The following WWOX variants were observed in gnomAD, a reference collection of about 807,000 sequenced individuals.
WWOX encodes WW domain containing oxidoreductase, also known as WW domain-containing oxidoreductase.
In WWOX, 69 loss-of-function variants were observed where a neutral mutation model predicts 46.2. The ratio of observed to expected loss-of-function variants is 1.49; its 90% CI spans 1.23 to 1.82. WWOX has a LOEUF of 1.82. Among genes scored for constraint, WWOX ranks in the 40% most tolerant of loss-of-function variants. The pLI is 0.00. For synonymous variants in WWOX, 359 were observed against 202.6 expected, an observed-to-expected ratio of 1.77 and a Z score of -6.56; for missense variants, 919 against 542.6, an observed-to-expected ratio of 1.69 and a Z score of -6.89.
chr16:78,998,000 C>T (rs1338809283), intron 8 of WWOX, among the ~76,000 whole-genome samples: 1 of 152,110 alleles, frequency 6.6e-6, no homozygotes, highest in Non-Finnish European at 1.5e-5. Context: ...CCTCAGCCTC[C>T]CGAGTAGCTG....
intron 8 of WWOX, among the ~76,000 whole-genome samples, chr16:78,844,291 T>C (rs936912848): frequency 2.0e-5 from 3 of 152,138 alleles, no homozygotes; most frequent in Admixed American, 2.0e-4. Context: ...ACAGCCTAAG[T>C]GATATTTATT....
At chr16:79,125,807 G>A (rs1230321315) in intron 8 of WWOX, among the ~76,000 whole-genome samples, 1 of 152,176 alleles carries the variant, frequency 6.6e-6, no homozygotes, top group Non-Finnish European at 1.5e-5. Flanking sequence ...AAACATTATG[G>A]TGTTGCTTTG....
chr16:79,017,429 C>CAAAAAAAAAAAAAAAAAAAAAAAAAAA (rs61362715), intron 8 of WWOX: 3 of 39,126 alleles, frequency 7.7e-5, no homozygotes, highest in Non-Finnish European at 9.1e-5. Flanking sequence ...GAATCCATCT[C>CAAAAAAAAAAAAAAAAAAAAAAAAAAA]AAAAAAAAAA....
chr16:78,697,040 G>T (rs1041774841), intron 8 of WWOX, among the ~76,000 whole-genome samples: 1 of 152,040 alleles, frequency 6.6e-6, no homozygotes, highest in African/African-American at 2.4e-5. Flanking sequence ...TATTTATACC[G>T]TAGTTTCTTT....
At chr16:78,371,597 G>C (rs2081688137) in intron 5 of WWOX, among the ~76,000 whole-genome samples, 1 of 151,874 alleles carries the variant, frequency 6.6e-6, no homozygotes, top group African/African-American at 2.4e-5. Flanking sequence ...TTTTGTTTAT[G>C]GCTGTGTTAT....
At chr16:79,194,640 G>T (rs933146769) in intron 8 of WWOX, among the ~76,000 whole-genome samples, 2 of 152,134 alleles carry the variant, frequency 1.3e-5, no homozygotes, top group African/African-American at 4.8e-5. Flanking sequence ...GGCTCCCCTT[G>T]TGTGAACTGG....
At chr16:78,945,491 T>C (rs989683185) in intron 8 of WWOX, among the ~76,000 whole-genome samples, 1 of 152,238 alleles carries the variant, frequency 6.6e-6, no homozygotes, top group Non-Finnish European at 1.5e-5. Flanking sequence ...TTGTTTTGTT[T>C]TGACCAATTT....
chr16:78,380,273 T>C (rs2081925859), intron 5 of WWOX, among the ~76,000 whole-genome samples: 1 of 152,140 alleles, frequency 6.6e-6, no homozygotes, highest in Non-Finnish European at 1.5e-5. Flanking sequence ...CATAATGGAA[T>C]ATGGAATAGC....
At chr16:78,189,273 C>T (rs546922632) in intron 5 of WWOX, among the ~76,000 whole-genome samples, 7 of 152,298 alleles carry the variant, frequency 4.6e-5, no homozygotes, top group African/African-American at 1.7e-4. Flanking sequence ...ACCTGTGCCA[C>T]GATGGTCTCC....
chr16:78,841,125 AC>A (rs1378082640), intron 8 of WWOX, among the ~76,000 whole-genome samples: 2 of 152,012 alleles, frequency 1.3e-5, no homozygotes, highest in Non-Finnish European at 2.9e-5. Context: ...CATTGATCTG[AC>A]CCCAGAATTC....
chr16:78,478,459 A>T (rs1178445361), intron 8 of WWOX, among the ~76,000 whole-genome samples: 1 of 152,188 alleles, frequency 6.6e-6, no homozygotes, highest in African/African-American at 2.4e-5. Flanking sequence ...AGAAAAAGCG[A>T]TGATAATGAC....
chr16:78,881,669 G>C (rs1260688124), intron 8 of WWOX, among the ~76,000 whole-genome samples: 1 of 152,116 alleles, frequency 6.6e-6, no homozygotes, highest in Non-Finnish European at 1.5e-5. Context: ...AATACAGATA[G>C]ACAATATTTG....
intron 8 of WWOX, among the ~76,000 whole-genome samples, chr16:78,694,597 G>A (rs1415878190): frequency 6.6e-6 from 1 of 152,158 alleles, no homozygotes; most frequent in African/African-American, 2.4e-5. Context: ...AGTAAATCCA[G>A]CCCATTTATT....
chr16:78,229,879 C>A (rs928791533), intron 5 of WWOX, among the ~76,000 whole-genome samples: 1 of 151,916 alleles, frequency 6.6e-6, no homozygotes, highest in African/African-American at 2.4e-5. Context: ...AGTTCAACAT[C>A]TTTCTTTCTT....
intron 5 of WWOX, among the ~76,000 whole-genome samples, chr16:78,353,861 TGTG>T (rs1006522708): frequency 6.6e-6 from 1 of 152,222 alleles, no homozygotes; most frequent in African/African-American, 2.4e-5. Context: ...TTGCCCTTGA[TGTG>T]GTGCCGAGTT....
chr16:78,649,231 C>T lies in WWOX; in HGVS notation c.1056+216479C>T, dbSNP rs186630675. On this transcript the variant is annotated intron_variant, in intron 8 of 8. Coordinates refer to ENST00000566780, the MANE Select transcript of WWOX (RefSeq NM_016373.4). ...AACTCTGGACCTCAAATGATCCAAC[C>T]GCCTCGGACTTCCGAAGTGCTGGGA... 5.6e-4 allele frequency among the ~76,000 whole-genome samples: 86 copies of T among 152,228 alleles called. 4 individuals carry two copies. In the East Asian group the frequency reaches 0.014, roughly 26 times the overall value.
chr16:79,184,982 C>A (rs1031838239), intron 8 of WWOX, among the ~76,000 whole-genome samples: 1 of 152,160 alleles, frequency 6.6e-6, no homozygotes, highest in African/African-American at 2.4e-5. Context: ...CTAGCACTGA[C>A]AATGAAACAT....
intron 5 of WWOX, chr16:78,278,806 T>G: frequency 1.4e-6 from 1 of 728,938 alleles, no homozygotes; most frequent in Non-Finnish European, 2.3e-6. Flanking sequence ...TATGATTTAA[T>G]TTATACCTTT....
At chr16:78,455,741 G>C (rs986637584) in intron 8 of WWOX, among the ~76,000 whole-genome samples, 2 of 148,222 alleles carry the variant, frequency 1.3e-5, no homozygotes, top group South Asian at 2.1e-4. Context: ...TTATAGCAAA[G>C]GTTCAAGTAA....
Sources: allele counts gnomAD v4.1 joint callset (sites outside exome capture counted in the v4.1 genomes callset), GRCh38; gene constraint gnomAD v4.1.1; transcripts MANE v1.5; gene names NCBI Gene and HGNC (gene_info 2026-07-23, HGNC 2026-07-21).